The following NRF1 variants were observed in gnomAD, a reference collection of about 807,000 sequenced individuals.
NRF1 encodes the protein alpha palindromic-binding protein.
A neutral mutation model predicts 58.5 loss-of-function variants in NRF1; 5 were observed. The ratio of observed to expected loss-of-function variants is 0.09; its 90% CI spans 0.04 to 0.18. The LOEUF (loss-of-function observed/expected upper bound fraction) is 0.18. NRF1 is among the 10% of genes least tolerant of loss of function. The pLI is 1.00. For synonymous variants in NRF1, 224 were observed against 246.7 expected (o/e 0.91, Z 0.86); for missense variants, 288 against 657.7 (o/e 0.44, Z 6.15).
chr7:129,638,811 A>G (rs1030561990), intron 1 of NRF1, among the ~76,000 whole-genome samples: 8 of 152,140 alleles, frequency 5.3e-5, no homozygotes, highest in Non-Finnish European at 8.8e-5. Flanking sequence ...TTATAGACTT[A>G]AATTCTAAAA....
intron 1 of NRF1, among the ~76,000 whole-genome samples, chr7:129,637,963 G>T (rs75809651): frequency 1.1e-3 from 162 of 151,988 alleles, no homozygotes; most frequent in African/African-American, 3.7e-3. Flanking sequence ...GCCTGGGGAA[G>T]CCAGAAGATT....
intron 10 of NRF1, among the ~76,000 whole-genome samples, chr7:129,750,651 C>T (rs1158216883): frequency 1.3e-5 from 2 of 152,242 alleles, no homozygotes; most frequent in Non-Finnish European, 2.9e-5. Flanking sequence ...GCTGTCCTCA[C>T]CAGTTACTCA....
intron 10 of NRF1, among the ~76,000 whole-genome samples, chr7:129,736,636 T>C (rs1803720966): frequency 6.6e-6 from 1 of 151,852 alleles, no homozygotes; most frequent in African/African-American, 2.4e-5. Context: ...TATAGCTTTT[T>C]TTTTTTTCTT....
At chr7:129,705,823 G>A (rs895880159) in intron 5 of NRF1, among the ~76,000 whole-genome samples, 1 of 152,108 alleles carries the variant, frequency 6.6e-6, no homozygotes, top group African/African-American at 2.4e-5. Flanking sequence ...TGCGCCTTTA[G>A]TCCCAACTAC....
chr7:129,657,434 A>G lies in NRF1; in HGVS notation c.83A>G (p.His28Arg). The G allele has an allele frequency of 6.2e-7, 1 of 1,614,116 alleles. No individual in the cohort carries two copies. The highest frequency in any genetic ancestry group is 2.2e-5 in the East Asian group (1 of 44,880). The change falls in exon 2 of 11, where the codon CAT (histidine) becomes CGT (arginine). Residue 28 changes from histidine (H) to arginine (R), a missense_variant. Transcript: ENST00000393232. ...GTGGCCCAGCAAGTGCAGCAGGTCC[A>G]TGTGGCTACTTACACCGAGCATAGT... The part of the protein sequence containing the change: ...HAVAQQVQQV[H>R]VATYTEHSML...
chr7:129,738,421 G>C (rs536614264), intron 10 of NRF1, among the ~76,000 whole-genome samples: 4 of 152,276 alleles, frequency 2.6e-5, no homozygotes, highest in South Asian at 2.1e-4. Context: ...TCTTCCACAC[G>C]CCCCCCTGGG....
intron 1 of NRF1, among the ~76,000 whole-genome samples, chr7:129,644,470 A>G (rs934342195): frequency 6.6e-6 from 1 of 152,242 alleles, no homozygotes. Context: ...ATGGCCTGTG[A>G]TAAGAAGCAA....
intron 9 of NRF1, among the ~76,000 whole-genome samples, chr7:129,723,029 A>G (rs1803365231): frequency 6.6e-6 from 1 of 152,206 alleles, no homozygotes; most frequent in Non-Finnish European, 1.5e-5. Context: ...TGCTTTCCAT[A>G]AAGTCTCAGG....
At chr7:129,638,742 ATTTCT>A (rs2151066170) in intron 1 of NRF1, among the ~76,000 whole-genome samples, 1 of 152,058 alleles carries the variant, frequency 6.6e-6, no homozygotes, top group East Asian at 1.9e-4. Flanking sequence ...GGTAGTTTTG[ATTTCT>A]TTAGGAACTT....
intron 4 of NRF1, among the ~76,000 whole-genome samples, chr7:129,685,556 A>AGTGTGTGTGTGTGTGT (rs67721424): frequency 6.3e-5 from 9 of 142,998 alleles, no homozygotes; most frequent in African/African-American, 2.1e-4. Context: ...GTCTCATTCA[A>AGTGTGTGTGTGTGTGT]GTGTGTGTGT....
intron 1 of NRF1, among the ~76,000 whole-genome samples, chr7:129,630,806 A>T (rs1245171853): frequency 6.6e-6 from 1 of 152,154 alleles, no homozygotes; most frequent in Non-Finnish European, 1.5e-5. Flanking sequence ...CATTGCTTTG[A>T]AAGAGTATTT....
intron 1 of NRF1, among the ~76,000 whole-genome samples, chr7:129,632,229 A>G (rs947730042): frequency 6.6e-6 from 1 of 152,118 alleles, no homozygotes; most frequent in Admixed American, 6.6e-5. Flanking sequence ...AGGTGTGATC[A>G]TGCCACTGCA....
intron 10 of NRF1, among the ~76,000 whole-genome samples, chr7:129,737,364 AC>A (rs1030458408): frequency 1.3e-5 from 2 of 152,032 alleles, no homozygotes; most frequent in Non-Finnish European, 2.9e-5. Context: ...TGGCCTTTTT[AC>A]TCCTAAAATG....
At chr7:129,703,813 T>C (rs1002458443) in intron 5 of NRF1, among the ~76,000 whole-genome samples, 4 of 152,194 alleles carry the variant, frequency 2.6e-5, no homozygotes, top group Admixed American at 2.0e-4. Context: ...GTTCCATTTT[T>C]TGACTTGATG....
At chr7:129,637,138 A>T (rs935564202) in intron 1 of NRF1, among the ~76,000 whole-genome samples, 7 of 152,062 alleles carry the variant, frequency 4.6e-5, no homozygotes, top group Non-Finnish European at 8.8e-5. Context: ...AGTGGTGAGG[A>T]GGATGAATGG....
intron 5 of NRF1, 125 bp from the exon 6 acceptor site, chr7:129,708,950 A>C (rs1562978152): frequency 1.3e-6 from 1 of 752,276 alleles, no homozygotes; most frequent in East Asian, 3.1e-5. Flanking sequence ...TTCATCAGTC[A>C]CATCTTAGAA....
intron 1 of NRF1, among the ~76,000 whole-genome samples, chr7:129,616,991 A>G (rs761694755): frequency 4.6e-5 from 7 of 152,194 alleles, no homozygotes; most frequent in African/African-American, 9.7e-5. Flanking sequence ...TGTATGGGTT[A>G]TCAGTTTGGT....
intron 10 of NRF1, among the ~76,000 whole-genome samples, chr7:129,752,267 G>A (rs1804136299): frequency 6.6e-6 from 1 of 152,028 alleles, no homozygotes; most frequent in African/African-American, 2.4e-5. Context: ...GCTCACCCCA[G>A]TGTAAAAGGA....
At chr7:129,628,327 T>G (rs928081520) in intron 1 of NRF1, among the ~76,000 whole-genome samples, 1 of 151,822 alleles carries the variant, frequency 6.6e-6, no homozygotes, top group African/African-American at 2.4e-5. Flanking sequence ...TCCTGACCCT[T>G]TTACTCTCAT....
Sources: gnomAD v4.1 joint callset for allele counts (sites outside exome capture counted in the v4.1 genomes callset) on GRCh38, gnomAD v4.1.1 for gene constraint, MANE v1.5 for transcripts, NCBI Gene and HGNC (gene_info 2026-07-23, HGNC 2026-07-21) for gene names.